TDRD9: variants seen among roughly 807,000 people sequenced by gnomAD.
TDRD9 encodes the protein ATP-dependent RNA helicase TDRD9.
In TDRD9, 124 loss-of-function variants were observed where a neutral mutation model predicts 172.6. That is an observed-to-expected ratio of 0.72 (90% CI 0.62 to 0.83). TDRD9 has a LOEUF of 0.83. Among genes scored for constraint, TDRD9 ranks in the 40% least tolerant of loss-of-function variants. TDRD9 has a pLI of 0.00. For synonymous variants in TDRD9, 619 were observed against 617.1 expected, an observed-to-expected ratio of 1.00 and a Z score of -0.05; for missense variants, 1,479 against 1,714.1, an observed-to-expected ratio of 0.86 and a Z score of 2.42.
At chr14:104,005,147 T>C in intron 14 of TDRD9, 127 bp from the exon 15 acceptor site, 1 of 832,278 alleles carries the variant, frequency 1.2e-6, no homozygotes, top group Non-Finnish European at 1.9e-6. Context: ...CCCTCAATCC[T>C]CTCCATTTTT....
In TDRD9 at chr14:103,998,674, T is replaced by C; in HGVS notation, c.1429T>C (p.Tyr477His). Residue 477 changes from tyrosine to histidine, a missense_variant, in exon 13 of 36, where the codon TAT becomes CAT. By Grantham distance (83) the Tyr-to-His change is moderately conservative. Coordinates refer to ENST00000409874, the MANE Select transcript of TDRD9 (RefSeq NM_153046.3). ...RTLVCDEDTNYQSLRLSWASK... is the reference protein window; with the variant it reads ...RTLVCDEDTNHQSLRLSWASK... ...TTTGGTCTGTGATGAAGATACAAAT[T>C]ATCAGAGTCTGCGATTGAGTTGGGC... The C allele has an allele frequency of 6.2e-7, 1 of 1,611,912 alleles. No homozygotes were observed.
intron 14 of TDRD9, among the ~76,000 whole-genome samples, chr14:104,004,591 A>G (rs768723206): frequency 2.6e-5 from 4 of 151,940 alleles, no homozygotes; most frequent in South Asian, 2.1e-4. Flanking sequence ...TGTTGGCCAG[A>G]CTGATCTCGA....
At chr14:104,046,729 T>C (rs542163500) in intron 34 of TDRD9, among the ~76,000 whole-genome samples, 3 of 152,114 alleles carry the variant, frequency 2.0e-5, no homozygotes, top group Admixed American at 2.0e-4. Flanking sequence ...CACTGCAAGC[T>C]CCGCCCCCCG....
chr14:104,044,405 T>C (rs531680561), intron 34 of TDRD9, among the ~76,000 whole-genome samples: 58 of 152,350 alleles, frequency 3.8e-4, no homozygotes, highest in Non-Finnish European at 4.6e-4. Context: ...TTTTAGGATA[T>C]GTAAAGTACA....
intron 13 of TDRD9, among the ~76,000 whole-genome samples, chr14:104,003,214 G>A (rs929321570): frequency 3.3e-5 from 5 of 151,900 alleles, no homozygotes; most frequent in Non-Finnish European, 5.9e-5. Context: ...TGGGAACAAG[G>A]ACTTTAAGTT....
At chr14:103,946,795 G>C (rs973044576) in intron 1 of TDRD9, among the ~76,000 whole-genome samples, 9 of 152,050 alleles carry the variant, frequency 5.9e-5, no homozygotes, top group South Asian at 2.1e-4. Context: ...TATTCTATTG[G>C]TAATAGCATC....
At chr14:103,942,102 G>T in intron 1 of TDRD9, 1 of 175,226 alleles carries the variant, frequency 5.7e-6, no homozygotes, top group Non-Finnish European at 1.2e-5. Flanking sequence ...CTGTTAAGTT[G>T]ATGGGCTGAT....
intron 29 of TDRD9, among the ~76,000 whole-genome samples, 157 bp downstream of exon 29, chr14:104,031,420 A>T (rs2035276152): frequency 6.6e-6 from 1 of 150,562 alleles, no homozygotes; most frequent in African/African-American, 2.4e-5. Flanking sequence ...AATAAGAAAA[A>T]ACCCTGGGGT....
At chr14:104,027,124 A>C (rs1053099126) in intron 28 of TDRD9, among the ~76,000 whole-genome samples, 185 bp downstream of exon 28, 1 of 152,108 alleles carries the variant, frequency 6.6e-6, no homozygotes, top group Non-Finnish European at 1.5e-5. Context: ...TCTGAGACTA[A>C]AGTATGGTGG....
chr14:103,985,376 G>C (rs771079749), intron 7 of TDRD9, among the ~76,000 whole-genome samples: 1 of 152,100 alleles, frequency 6.6e-6, no homozygotes, highest in Non-Finnish European at 1.5e-5. Flanking sequence ...CATGAAATCC[G>C]ATGGTTCTGT....
chr14:103,935,000 G>T (rs568593134), intron 1 of TDRD9, among the ~76,000 whole-genome samples: 1 of 152,254 alleles, frequency 6.6e-6, no homozygotes, highest in East Asian at 1.9e-4. Context: ...GGAGGGCCTC[G>T]TCCAGTCAGT....
At chr14:103,994,283 A>G (rs1420691884) in intron 9 of TDRD9, 49 bp from the exon 10 acceptor site, 1 of 1,531,828 alleles carries the variant, frequency 6.5e-7, no homozygotes, top group Non-Finnish European at 9.0e-7. Flanking sequence ...GGTTTCTAGC[A>G]GTAAATACAA....
intron 7 of TDRD9, among the ~76,000 whole-genome samples, chr14:103,976,284 T>C (rs775712526): frequency 1.3e-5 from 2 of 152,044 alleles, no homozygotes; most frequent in Non-Finnish European, 2.9e-5. Context: ...TTTTTCTTTT[T>C]TTTTTTCGAG....
At chr14:103,957,023 C>T in intron 2 of TDRD9, among the ~76,000 whole-genome samples, 1 of 152,058 alleles carries the variant, frequency 6.6e-6, no homozygotes, top group East Asian at 1.9e-4. Context: ...TCTTTTTTAG[C>T]CTTTTAAAAA....
At chr14:103,932,460 T>C (rs1358092288) in intron 1 of TDRD9, among the ~76,000 whole-genome samples, 1 of 152,140 alleles carries the variant, frequency 6.6e-6, no homozygotes, top group Non-Finnish European at 1.5e-5. Flanking sequence ...CCATCTCGGC[T>C]CACTGCAAGC....
intron 7 of TDRD9, among the ~76,000 whole-genome samples, chr14:103,982,040 A>G (rs2033491768): frequency 6.6e-6 from 1 of 152,018 alleles, no homozygotes; most frequent in African/African-American, 2.4e-5. Context: ...TTACCTCACC[A>G]CACTGTCTGC....
At chr14:104,051,938 C>A in intron 35 of TDRD9, 43 bp from the exon 36 acceptor site, 1 of 1,334,394 alleles carries the variant, frequency 7.5e-7, no homozygotes, top group Non-Finnish European at 1.1e-6. Context: ...TCTGGAAAAG[C>A]CCTGTCACAG....
chr14:103,999,006 G>A (rs1230029111), intron 13 of TDRD9, among the ~76,000 whole-genome samples: 4 of 152,120 alleles, frequency 2.6e-5, no homozygotes, highest in Non-Finnish European at 5.9e-5. Flanking sequence ...TGTTAGCCAG[G>A]ATGGTCTTGA....
At chr14:103,974,527 C>T (rs2033159577) in intron 6 of TDRD9, among the ~76,000 whole-genome samples, 1 of 152,226 alleles carries the variant, frequency 6.6e-6, no homozygotes, top group Non-Finnish European at 1.5e-5. Flanking sequence ...CGTCCTGGGA[C>T]TTCTCCAGTT....
Sources: gnomAD v4.1 joint callset for allele counts (sites outside exome capture counted in the v4.1 genomes callset) on GRCh38, gnomAD v4.1.1 for gene constraint, MANE v1.5 for transcripts, NCBI Gene and HGNC (gene_info 2026-07-23, HGNC 2026-07-21) for gene names.